MUC6: variants seen among roughly 807,000 people sequenced by gnomAD.
MUC6 encodes mucin-6.
In MUC6, 188 loss-of-function variants were observed where a neutral mutation model predicts 201.5. The observed-to-expected ratio is 0.93, with a 90% confidence interval of 0.83 to 1.05. The LOEUF is 1.05. Ranked by LOEUF, MUC6 falls within the 50% of genes least tolerant of loss-of-function variation. MUC6 has a pLI of 0.00. For missense variants in MUC6, 2,706 were observed against 3,256.9 expected, an observed-to-expected ratio of 0.83 and a Z score of 4.12; for synonymous variants, 1,228 against 1,389.4, an observed-to-expected ratio of 0.88 and a Z score of 2.58.
intron 26 of MUC6, among the ~76,000 whole-genome samples, chr11:1,021,770 C>T (rs1856813384): frequency 3.9e-5 from 6 of 152,062 alleles, no homozygotes. Flanking sequence ...CAGTCCTCAC[C>T]TCCCCCTGGA....
chr11:1,021,122 C>G, intron 27 of MUC6, 93 bp downstream of exon 27: 2 of 1,269,772 alleles, frequency 1.6e-6, no homozygotes, highest in Non-Finnish European at 2.1e-6. Context: ...TCACAGCCCC[C>G]GAGGGCTCTC....
Position 1,029,577 on chromosome 11 carries a change from C to G in MUC6, c.1054G>C (p.Val352Leu). ...ACACAGGGGCACTGGGTGACGGGCACGCAGGTGTGGTTATTGGAGAGGTCA... is the reference window on the plus strand; with the variant it reads ...ACACAGGGGCACTGGGTGACGGGCAGGCAGGTGTGGTTATTGGAGAGGTCA... Reference protein sequence around the residue: ...LNDLSNNHTCVPVTQCPCVLH... With the variant: ...LNDLSNNHTCLPVTQCPCVLH... The change falls in exon 9 of 33, where the codon GTG becomes CTG. Residue 352 changes from valine (V) to leucine (L), a missense_variant. Physicochemically the swap from Val to Leu is conservative, Grantham distance 32. This residue lies in a region of MUC6 where 1,850 missense variants were observed against 1,958.3 expected (regional missense o/e 0.94). Coordinates refer to ENST00000421673, the MANE Select transcript of MUC6 (RefSeq NM_005961.3). 1 of 1,609,086 alleles carries G rather than the reference C, an allele frequency of 6.2e-7. No homozygotes were observed. The highest frequency in any genetic ancestry group is 8.5e-7 in the Non-Finnish European group (1 of 1,177,780).
In MUC6 at chr11:1,025,181, C is replaced by T. The variant is rs756249505; in HGVS notation, c.2985+1G>A. On this transcript the variant is annotated splice_donor_variant, in intron 23 of 32. Transcript: ENST00000421673. LOFTEE classifies it high-confidence loss of function. ...GGGAGGAGGCAGAGGGCGTGCGGTA[C>T]CTGGGAGGCACGGGCGATCCTGATG... 3 of 1,611,314 alleles carry T rather than the reference C, an allele frequency of 1.9e-6. No individual in the cohort carries two copies. In the East Asian group the frequency reaches 6.7e-5, roughly 36 times the overall value.
intron 1 of MUC6, among the ~76,000 whole-genome samples, chr11:1,035,907 GA>G (rs1159572499): frequency 5.9e-5 from 9 of 152,156 alleles, no homozygotes; most frequent in African/African-American, 2.2e-4. Flanking sequence ...GCCACAGAGG[GA>G]CCCCTTGGGG....
chr11:1,026,395 C>T lies in MUC6; in HGVS notation c.2478G>A (p.Glu826=). 1 of 1,608,938 alleles carries T rather than the reference C, an allele frequency of 6.2e-7. No individual in the cohort carries two copies. Among genetic ancestry groups the T allele is most frequent in the Non-Finnish European group, 8.5e-7 (1 of 1,178,380 alleles). Residue 826 remains glutamate, a synonymous_variant, in exon 20 of 33, where the codon GAG becomes GAA. Transcript: ENST00000421673. ...AGACCCCCGAGAACTCACATGGGCA[C>T]TCCTCGGGGGGCACACACTGCCCGT... ...NADGQCVPPE[E]CPCEFSGVSY...
chr11:1,020,182 G>T lies in MUC6; in HGVS notation c.3716C>A (p.Ser1239Ter). ...TIGLLSSTGP[S>*]PSSNHTPASP... ...GGCAGGGGTGTGATTAGAGCTGGGT[G>T]AGGGTCCGGTGGAGCTGAGAAGCCC... is the stretch of plus-strand genomic sequence containing the variant. The change falls in exon 29 of 33, where the codon TCA becomes TAA. Residue 1239 changes from serine (S) to a stop codon, truncating the protein, a stop_gained. Coordinates refer to ENST00000421673, the MANE Select transcript of MUC6 (RefSeq NM_005961.3). LOFTEE classifies it high-confidence loss of function. 1 of 1,612,668 alleles carries T rather than the reference G, an allele frequency of 6.2e-7. No individual in the cohort carries two copies. The highest frequency in any genetic ancestry group is 1.1e-5 in the South Asian group (1 of 91,018).
intron 10 of MUC6, 22 bp from the exon 11 acceptor site, chr11:1,029,172 A>G (rs756294559): frequency 2.5e-6 from 4 of 1,607,792 alleles, no homozygotes; most frequent in Admixed American, 1.7e-5. Context: ...CGGGGCTCAG[A>G]CACGGGTGGG....
intron 7 of MUC6, 60 bp downstream of exon 7, chr11:1,030,513 G>C: frequency 2.1e-6 from 3 of 1,458,614 alleles, no homozygotes; most frequent in South Asian, 2.7e-5. Context: ...CAGGGGCTGG[G>C]AGAGCTGGGT....
intron 1 of MUC6, among the ~76,000 whole-genome samples, chr11:1,034,997 C>T (rs1336966228): frequency 1.3e-5 from 2 of 152,236 alleles, no homozygotes; most frequent in African/African-American, 2.4e-5. Context: ...GGCGCATGGG[C>T]ATCTGGGCGG....
At chr11:1,030,366 T>TGCCCCCCCCCCCCCCC in intron 7 of MUC6, 31 bp from the exon 8 acceptor site, 8 of 1,489,522 alleles carry the variant, frequency 5.4e-6, no homozygotes, top group African/African-American at 1.4e-5. Flanking sequence ...GGTGAGAGGG[T>TGCCCCCCCCCCCCCCC]CCCACCCCCC....
Position 1,016,273 on chromosome 11 carries a change from G to C in MUC6, c.6528C>G (p.Ser2176Arg), listed in dbSNP as rs770148014. The C allele has an allele frequency of 1.2e-6, 2 of 1,613,054 alleles. No individual in the cohort carries two copies. The highest frequency in any genetic ancestry group is 2.2e-5 in the South Asian group (2 of 90,920). ...TGGACAATGAGGAGTGTGACCCCGA[G>C]CTCAGGGTTGTGGAGTGCACGGGGG... Reference protein sequence around the residue: ...VSAPVHSTTLSSGSHSSLSTH... With the variant: ...VSAPVHSTTLRSGSHSSLSTH... Residue 2176 changes from serine to arginine, a missense_variant, in exon 31 of 33, where the codon AGC becomes AGG. Physicochemically the swap from Ser to Arg is moderately radical, Grantham distance 110 (BLOSUM62 -1). This residue lies in a region of MUC6 where 586 missense variants were observed against 488.0 expected (regional missense o/e 1.20). Coordinates refer to ENST00000421673, the MANE Select transcript of MUC6 (RefSeq NM_005961.3).
In MUC6 at chr11:1,015,843, T is replaced by G. The variant is rs1856590789; in HGVS notation, c.6958A>C (p.Thr2320Pro). ...CTTCCATGGGCAGTGAGGGAGCTGG[T>G]CAGGAACCGTGTGGTAGGCGACAAG... ...PTLSPTTRFL[T>P]SSLTAHGSTP... Residue 2320 changes from threonine to proline, a missense_variant, in exon 31 of 33, where the codon ACC becomes CCC. Transcript: ENST00000421673. 1.3e-6 allele frequency: 2 copies of G among 1,599,472 alleles called. No individual in the cohort carries two copies. The highest frequency in any genetic ancestry group is 1.7e-6 in the Non-Finnish European group (2 of 1,171,830).
In MUC6 at chr11:1,033,355, C is replaced by T. The variant is rs944555202; in HGVS notation, c.53-280G>A. On this transcript the variant is annotated intron_variant, in intron 1 of 32. Transcript: ENST00000421673. The surrounding 1 kb of genome is among the most constrained non-coding windows in gnomAD (Gnocchi z 5.6). ...CAGCCCCTCGGGGTTCGGCAGATGG[C>T]GGGCACCCTGTGTGCAGGGTACTCA... The T allele has an allele frequency of 4.5e-5, 24 of 531,366 alleles. No homozygotes were observed. The highest frequency in any genetic ancestry group is 2.1e-4 in the African/African-American group (11 of 52,706). 32.9% of individuals were successfully genotyped at this position (531,366 alleles called of 1,614,324 possible).
intron 29 of MUC6, chr11:1,019,863 G>C (rs1024457809): frequency 1.4e-6 from 1 of 703,568 alleles, no homozygotes; most frequent in Admixed American, 2.4e-5. Flanking sequence ...GGTTTCTAGT[G>C]ACAGCAGCCA....
At position 1,027,051 on chromosome 11, in the gene MUC6, C is replaced by T. The variant is rs761293302; in HGVS notation, c.2285-1G>A. The stretch of plus-strand genomic sequence containing the variant: ...AAGGTCTTAGGGGCCTGGCAGGAGG[C>T]TGCAGGAAAGAGGGGTGCGCGGTCA... On this transcript the variant is annotated splice_acceptor_variant, in intron 18 of 32. Transcript: ENST00000421673. LOFTEE classifies it high-confidence loss of function. 5.6e-6 allele frequency: 9 copies of T among 1,603,800 alleles called. No homozygotes were observed. The South Asian group carries it at 1.0e-4, about 18-fold the overall frequency.
chr11:1,023,525 T>C lies in MUC6; in HGVS notation c.3510A>G (p.Pro1170=), dbSNP rs760940839. 6.3e-7 allele frequency: 1 copy of C among 1,592,190 alleles called. No individual in the cohort carries two copies. Among genetic ancestry groups the C allele is most frequent in the Non-Finnish European group, 8.6e-7 (1 of 1,169,322 alleles). ...ACCTGGCACCTTCGATGTTGCTGCC[T>C]GGGACGCTCTGTGGCTGGCTGGGGC... is the stretch of plus-strand genomic sequence containing the variant. The part of the protein sequence containing the change: ...CLCPSQPQSV[P]GSNIEGCYNC... The change falls in exon 26 of 33, where the codon CCA becomes CCG. Residue 1170 remains proline (P), a synonymous_variant. Transcript: ENST00000421673.
At chr11:1,026,305 C>T in intron 20 of MUC6, 22 bp downstream of exon 20, 2 of 1,559,654 alleles carry the variant, frequency 1.3e-6, no homozygotes, top group South Asian at 2.4e-5. Flanking sequence ...CCCAGGGCGT[C>T]TGAAGCGAGG....
rs1474525061 is a variant in MUC6 at position 1,030,624 on chromosome 11, A to C, written c.841T>G (p.Cys281Gly). Residue 281 changes from cysteine to glycine, a missense_variant, in exon 7 of 33, where the codon TGC (cysteine) becomes GGC (glycine). By Grantham distance (159) the Cys-to-Gly change is radical. Transcript: ENST00000421673. ...CGGACCGGCTGGCCCACCATGCTGC[A>C]CTGGCGGGAGTACTCCGACAGGGTG... ...CATLSEYSRQ[C>G]SMVGQPVRRW... 2.6e-6 allele frequency: 4 copies of C among 1,533,034 alleles called. No homozygotes were observed. Among genetic ancestry groups the C allele is most frequent in the Non-Finnish European group, 3.5e-6 (4 of 1,140,476 alleles). 95.0% of individuals were successfully genotyped at this position (1,533,034 alleles called of 1,614,324 possible).
At position 1,013,498 on chromosome 11, in the gene MUC6, C is replaced by G; in HGVS notation, c.7278G>C (p.Val2426=). 1.3e-6 allele frequency: 2 copies of G among 1,584,426 alleles called. No homozygotes were observed. Among genetic ancestry groups the G allele is most frequent in the Non-Finnish European group, 8.6e-7 (1 of 1,166,908 alleles). Residue 2426 remains valine, a synonymous_variant, in exon 33 of 33, where the codon GTG becomes GTC. Coordinates refer to ENST00000421673, the MANE Select transcript of MUC6 (RefSeq NM_005961.3). ...CAGAGCTGCACACGCAGTGGCTGAA[C>G]ACCTGCAGGGTGAGTACGAGCCGCC... The part of the protein sequence containing the change: ...PGRRLVLTLQ[V]FSHCVCSSVA...
Sources: gnomAD v4.1 joint callset for allele counts (sites outside exome capture counted in the v4.1 genomes callset) on GRCh38, gnomAD v4.1.1 for gene constraint, gnomAD v4.1.1 regional missense constraint, Gnocchi (gnomAD v3.1) non-coding constraint, MANE v1.5 for transcripts, NCBI Gene and HGNC (gene_info 2026-07-23, HGNC 2026-07-21) for gene names.